ARID1B: variants seen among roughly 807,000 people sequenced by gnomAD.
ARID1B encodes AT-rich interactive domain-containing protein 1B.
ARID1B carries 30 observed loss-of-function variants against 212.3 expected under a neutral mutation model. The observed-to-expected ratio is 0.14, with a 90% CI of 0.11 to 0.19. ARID1B has a LOEUF of 0.19. Among genes scored for constraint, ARID1B ranks in the 10% least tolerant of loss-of-function variants. ARID1B has a pLI of 1.00. For missense variants in ARID1B, 2,891 were observed against 3,204.0 expected (o/e 0.90, Z 2.36); for synonymous variants, 1,402 against 1,301.7 (o/e 1.08, Z -1.66).
At chr6:156,938,787 A>G (rs1171898487) in intron 4 of ARID1B, 1 of 152,208 alleles carries the variant, frequency 6.6e-6, no homozygotes, top group Non-Finnish European at 1.5e-5. Flanking sequence ...TGCTACATCT[A>G]TACTTTGATC....
chr6:157,023,216 G>T (rs1780440845), intron 4 of ARID1B: 1 of 152,162 alleles, frequency 6.6e-6, no homozygotes, highest in East Asian at 1.9e-4. Flanking sequence ...CCTCACTCCG[G>T]CGCTTCCTAA....
At position 157,148,769 on chromosome 6, in the gene ARID1B, G is replaced by A. The variant is rs1060499843; in HGVS notation, c.2907G>A (p.Met969Ile). 1 of 1,613,264 alleles carries A rather than the reference G, an allele frequency of 6.2e-7. No homozygotes were observed. The highest frequency in any genetic ancestry group is 1.7e-4 in the Middle Eastern group (1 of 6,060). Residue 969 changes from methionine to isoleucine, a missense_variant, in exon 8 of 20, where the codon ATG becomes ATA. Physicochemically the swap from Met to Ile is conservative, Grantham distance 10. Coordinates refer to ENST00000636930, the MANE Select transcript of ARID1B (RefSeq NM_001374828.1). The surrounding 1 kb of genome is among the most constrained non-coding windows in gnomAD (Gnocchi z 5.6). ...GTGGTGCTGTGCCCCTGGGACGAAT[G>A]CCATCAGCTGGGATGCAGAACAGAC... is the stretch of plus-strand genomic sequence containing the variant. ...QPCGAVPLGRMPSAGMQNRPF... is the reference protein window; with the variant it reads ...QPCGAVPLGRIPSAGMQNRPF...
At chr6:157,013,688 G>A (rs1416111758) in intron 4 of ARID1B, among the ~76,000 whole-genome samples, 2 of 152,172 alleles carry the variant, frequency 1.3e-5, no homozygotes, top group Admixed American at 6.5e-5. Flanking sequence ...AGGTTGAGGG[G>A]TGCCTGCAAC....
intron 2 of ARID1B, among the ~76,000 whole-genome samples, chr6:156,840,826 C>A (rs1232298040): frequency 1.3e-5 from 2 of 152,136 alleles, no homozygotes; most frequent in Non-Finnish European, 2.9e-5. Context: ...CTGATTCTAA[C>A]CCCATTGAGT....
chr6:157,057,548 C>A (rs1783047035), intron 4 of ARID1B, among the ~76,000 whole-genome samples: 1 of 152,134 alleles, frequency 6.6e-6, no homozygotes. Flanking sequence ...CTCAGCCTCC[C>A]AAGTAGCTGG....
In ARID1B at chr6:157,094,966, T is replaced by G. The variant is rs535828057; in HGVS notation, c.2491+10061T>G. ...ATCGAGAGTTTGGTTTTAAACATAC[T>G]GTATTTGAGGTTCCTACTGGGCATC... On this transcript the variant is annotated intron_variant, in intron 5 of 19. Coordinates refer to ENST00000636930, the MANE Select transcript of ARID1B (RefSeq NM_001374828.1). This position sits in a 1 kb window ranked among gnomAD's most constrained non-coding sequence, Gnocchi z 4.3. 6.6e-6 allele frequency among the ~76,000 whole-genome samples: 1 copy of G among 152,254 alleles called. No homozygotes were observed. Among genetic ancestry groups the G allele is most frequent in the African/African-American group, 2.4e-5 (1 of 41,542 alleles).
intron 4 of ARID1B, among the ~76,000 whole-genome samples, chr6:157,014,292 G>A (rs1385660440): frequency 1.3e-5 from 2 of 152,166 alleles, no homozygotes; most frequent in African/African-American, 4.8e-5. Flanking sequence ...CTTTTGACCA[G>A]TCTCCCTTGG....
In ARID1B at chr6:157,206,354, TTGA is replaced by T. The variant is rs771741082; in HGVS notation, c.5586_5588del (p.Asp1864del). On this transcript the variant is annotated inframe_deletion, in exon 20 of 20. Coordinates refer to ENST00000636930, the MANE Select transcript of ARID1B (RefSeq NM_001374828.1). This position sits in a 1 kb window ranked among gnomAD's most constrained non-coding sequence, Gnocchi z 6.8. ...AAAGAGGAGGAAGATGCTGAATGTA[TTGA>T]TGACGACGAGGAAGACGAGGAGGAT... is the stretch of plus-strand genomic sequence containing the variant. 1 of 1,614,098 alleles carries T rather than the reference TTGA, an allele frequency of 6.2e-7. No individual in the cohort carries two copies. Among genetic ancestry groups the T allele is most frequent in the Admixed American group, 1.7e-5 (1 of 60,016 alleles).
At chr6:156,792,627 T>C (rs1048877898) in intron 1 of ARID1B, among the ~76,000 whole-genome samples, 1 of 152,206 alleles carries the variant, frequency 6.6e-6, no homozygotes, top group African/African-American at 2.4e-5. Context: ...GTTGTCGTTA[T>C]AAGAATAATG....
Position 157,201,319 on chromosome 6 carries a change from G to C in ARID1B, c.5094G>C (p.Leu1698=), listed in dbSNP as rs2128375877. The change falls in exon 18 of 20, where the codon CTG becomes CTC. Residue 1698 remains leucine (L), a synonymous_variant. Coordinates refer to ENST00000636930, the MANE Select transcript of ARID1B (RefSeq NM_001374828.1). The surrounding 1 kb of genome is among the most constrained non-coding windows in gnomAD (Gnocchi z 5.2). The part of the protein sequence containing the change: ...NRMSPSKSPF[L]PSMKMQKVMP... ...TGTCTCCAAGCAAGTCTCCTTTTCT[G>C]CCGTCTATGAAGATGCAGAAGGTCA... 1 of 1,613,994 alleles carries C rather than the reference G, an allele frequency of 6.2e-7. No homozygotes were observed.
intron 5 of ARID1B, among the ~76,000 whole-genome samples, chr6:157,106,682 T>A (rs969721177): frequency 2.0e-5 from 3 of 152,220 alleles, no homozygotes; most frequent in Non-Finnish European, 4.4e-5. Context: ...AGCCCATCAC[T>A]TTCTTCACAT....
intron 2 of ARID1B, among the ~76,000 whole-genome samples, chr6:156,868,051 T>C (rs1278745815): frequency 6.6e-6 from 1 of 152,252 alleles, no homozygotes; most frequent in Non-Finnish European, 1.5e-5. Context: ...ATTTCCATCC[T>C]ACCTTTCTAT....
chr6:156,896,118 T>C (rs1358571683), intron 2 of ARID1B, among the ~76,000 whole-genome samples: 1 of 152,250 alleles, frequency 6.6e-6, no homozygotes, highest in African/African-American at 2.4e-5. Flanking sequence ...CCCATTTACC[T>C]TCTGTCTTAG....
At chr6:156,959,001 C>T (rs1289292083) in intron 4 of ARID1B, among the ~76,000 whole-genome samples, 2 of 152,168 alleles carry the variant, frequency 1.3e-5, no homozygotes, top group African/African-American at 2.4e-5. Context: ...ACACCAAACC[C>T]CAAAGACTAT....
chr6:157,145,773 T>C (rs1789682669), intron 7 of ARID1B, among the ~76,000 whole-genome samples: 1 of 152,184 alleles, frequency 6.6e-6, no homozygotes, highest in Non-Finnish European at 1.5e-5. Flanking sequence ...CCTCCAGTTG[T>C]GAGCCACGTG....
intron 13 of ARID1B, 66 bp from the exon 14 acceptor site, chr6:157,189,576 A>G (rs1368853130): frequency 1.3e-6 from 2 of 1,517,292 alleles, no homozygotes; most frequent in Admixed American, 4.8e-5. Context: ...ATAACTAGCA[A>G]GGCAGCTGGG....
chr6:156,812,974 GTGTATGTA>G (rs1356776245), intron 1 of ARID1B, among the ~76,000 whole-genome samples: 1 of 84,496 alleles, frequency 1.2e-5, no homozygotes, highest in African/African-American at 5.3e-5. Flanking sequence ...GTGTGTGTGT[GTGTATGTA>G]TATACATACG....
In ARID1B at chr6:156,917,989, A is replaced by G. The variant is rs541094623; in HGVS notation, c.2136+16464A>G. ...TTGGCACATGGGCAATCATTTGGAA[A>G]AGAACAAAATAGTACTGGAACATGG... On this transcript the variant is annotated intron_variant, in intron 3 of 19. Transcript: ENST00000636930. Among the ~76,000 whole-genome samples the G allele has an allele frequency of 3.9e-5, 6 of 152,336 alleles. No homozygotes were observed. The South Asian group carries it at 1.2e-3, about 32-fold the overall frequency.
chr6:157,166,571 A>G (rs1447256167), intron 8 of ARID1B: 5 of 152,486 alleles, frequency 3.3e-5, no homozygotes, highest in East Asian at 1.9e-4. Flanking sequence ...TTTCTCCCAT[A>G]TTCATTATAT....
Sources: gnomAD v4.1 joint callset for allele counts (sites outside exome capture counted in the v4.1 genomes callset) on GRCh38, gnomAD v4.1.1 for gene constraint, Gnocchi (gnomAD v3.1) non-coding constraint, MANE v1.5 for transcripts, NCBI Gene and HGNC (gene_info 2026-07-23, HGNC 2026-07-21) for gene names.